Variants in DCAF6 observed in about 807,000 individuals in gnomAD.
DCAF6 encodes the protein DDB1 and CUL4 associated factor 6, also known as DDB1- and CUL4-associated factor 6.
DCAF6 carries 54 observed loss-of-function variants against 125.1 expected under a neutral mutation model. That is an observed-to-expected ratio of 0.43 (90% CI 0.35 to 0.54). The LOEUF is 0.54. DCAF6 is among the 20% of genes least tolerant of loss of function. The pLI is 0.01. For synonymous variants in DCAF6, 371 were observed against 390.4 expected, an observed-to-expected ratio of 0.95 and a Z score of 0.58; for missense variants, 934 against 1,161.7, an observed-to-expected ratio of 0.80 and a Z score of 2.85.
chr1:167,933,246 C>T (rs1207186834), upstream of DCAF6, among the ~76,000 whole-genome samples: 1 of 151,102 alleles, frequency 6.6e-6, no homozygotes, highest in Non-Finnish European at 1.5e-5. Flanking sequence ...TGGCTAACTG[C>T]AACCTCCACC....
At chr1:167,928,046 T>A in the DCAF6 span, among the ~76,000 whole-genome samples, 1 of 152,026 alleles carries the variant, frequency 6.6e-6, no homozygotes, top group African/African-American at 2.4e-5. Flanking sequence ...AGTGTTTTCT[T>A]AACTGTTAAA....
intron 4 of DCAF6, among the ~76,000 whole-genome samples, chr1:167,985,412 C>G (rs1305833742): frequency 6.6e-6 from 1 of 152,088 alleles, no homozygotes; most frequent in Admixed American, 6.6e-5. Flanking sequence ...GAGCAAGTCC[C>G]CTTCCTCTAT....
intron 4 of DCAF6, among the ~76,000 whole-genome samples, chr1:167,980,729 C>A (rs577834346): frequency 6.6e-6 from 1 of 151,762 alleles, no homozygotes; most frequent in Admixed American, 6.6e-5. Flanking sequence ...TTATATATTC[C>A]AAATATTAAC....
chr1:167,984,074 C>G (rs1427685489), intron 4 of DCAF6, among the ~76,000 whole-genome samples: 1 of 152,168 alleles, frequency 6.6e-6, no homozygotes, highest in East Asian at 1.9e-4. Context: ...TGGCTCAAGG[C>G]TCACTATTCT....
At chr1:167,964,053 T>C (rs1157503857) in intron 2 of DCAF6, among the ~76,000 whole-genome samples, 2 of 152,240 alleles carry the variant, frequency 1.3e-5, no homozygotes, top group Non-Finnish European at 2.9e-5. Flanking sequence ...TGCTGTTATT[T>C]TGAACAATAA....
At position 167,993,588 on chromosome 1, in the gene DCAF6, A is replaced by G. The variant is rs187998863; in HGVS notation, c.903+148A>G. The G allele has an allele frequency of 1.3e-3, 808 of 618,710 alleles. 1 individual carries two copies. Among genetic ancestry groups the G allele is most frequent in the Non-Finnish European group, 1.7e-3 (592 of 355,496 alleles). The allele number at this position is 618,710 out of a possible 1,614,324, so 38.3% of individuals were successfully genotyped here. A position where few individuals can be genotyped will look rare whatever the true frequency, so the allele number is the denominator to read the frequency against. On this transcript the variant is annotated intron_variant, in intron 7 of 21. Coordinates refer to ENST00000367840, the MANE Select transcript of DCAF6 (RefSeq NM_001198956.2). The stretch of plus-strand genomic sequence containing the variant: ...AACATGGAGAAACCCCGTCTTTACT[A>G]AAAACACAAAATTAGCTGAGCGTGG...
intron 3 of DCAF6, among the ~76,000 whole-genome samples, chr1:167,972,491 A>G (rs145272870): frequency 2.0e-5 from 3 of 152,178 alleles, no homozygotes; most frequent in African/African-American, 4.8e-5. Flanking sequence ...TATGATTTAT[A>G]TTTTTAAAAG....
At chr1:168,070,710 G>A (rs1045954790) in intron 21 of DCAF6, among the ~76,000 whole-genome samples, 2 of 152,100 alleles carry the variant, frequency 1.3e-5, no homozygotes, top group Non-Finnish European at 2.9e-5. Context: ...CTAGTCTAGT[G>A]GCCACTTGAG....
At position 167,958,310 on chromosome 1, in the gene DCAF6, A is replaced by G. The variant is rs1452045920; in HGVS notation, c.159+6449A>G. Among the ~76,000 whole-genome samples the G allele has an allele frequency of 2.0e-5, 3 of 146,478 alleles. No homozygotes were observed. The East Asian group carries it at 5.9e-4, about 29-fold the overall frequency. The stretch of plus-strand genomic sequence containing the variant: ...TGATCTATTTTCAGTTAATTTTTAT[A>G]TGGTATAAAGTAGGGGTCCAAGGTG... On this transcript the variant is annotated intron_variant, in intron 2 of 21. Coordinates refer to ENST00000367840, the MANE Select transcript of DCAF6 (RefSeq NM_001198956.2).
intron 2 of DCAF6, among the ~76,000 whole-genome samples, chr1:167,957,272 T>C (rs1295424322): frequency 6.6e-6 from 1 of 151,964 alleles, no homozygotes; most frequent in Non-Finnish European, 1.5e-5. Context: ...ATTTCCCCTC[T>C]ATTTAGCAGT....
chr1:168,023,324 A>G (rs755643079), intron 12 of DCAF6: 15 of 494,728 alleles, frequency 3.0e-5, no homozygotes, highest in Non-Finnish European at 5.1e-5. Flanking sequence ...AACTATATCC[A>G]TTTTTTAAAT....
At chr1:167,941,800 G>A (rs1175444931) in intron 1 of DCAF6, among the ~76,000 whole-genome samples, 1 of 152,170 alleles carries the variant, frequency 6.6e-6, no homozygotes, top group African/African-American at 2.4e-5. Flanking sequence ...GAAACTTCAT[G>A]TACATCTTGG....
the DCAF6 span, among the ~76,000 whole-genome samples, chr1:167,866,581 T>C: frequency 0.17 from 25,140 of 149,438 alleles, 2,494 homozygotes; most frequent in Middle Eastern, 0.24. Flanking sequence ...TAAGTTAATT[T>C]AGACTAAACA....
chr1:168,009,362 CCTT>C (rs1683873210), intron 10 of DCAF6, among the ~76,000 whole-genome samples: 2 of 138,906 alleles, frequency 1.4e-5, no homozygotes, highest in Non-Finnish European at 3.0e-5. Context: ...TTCCTTCCTT[CCTT>C]CCTTCCTTCC....
intron 15 of DCAF6, 62 bp from the exon 16 acceptor site, chr1:168,044,837 TA>T: frequency 3.2e-6 from 5 of 1,551,912 alleles, no homozygotes; most frequent in Non-Finnish European, 4.4e-6. Flanking sequence ...GCTCCTAAGT[TA>T]GGTTAAATAA....
chr1:167,905,307 A>T, the DCAF6 span: 1 of 841,790 alleles, frequency 1.2e-6, no homozygotes, highest in Non-Finnish European at 1.9e-6. Context: ...TATAGTGGTG[A>T]AAATGCCAGA....
chr1:168,027,853 A>T (rs368098945), intron 12 of DCAF6, among the ~76,000 whole-genome samples: 1 of 152,288 alleles, frequency 6.6e-6, no homozygotes, highest in East Asian at 1.9e-4. Context: ...TGATAGAAGT[A>T]TGTTTAGCCT....
intron 6 of DCAF6, among the ~76,000 whole-genome samples, chr1:167,992,850 T>C (rs1681058167): frequency 6.6e-6 from 1 of 152,248 alleles, no homozygotes; most frequent in Admixed American, 6.5e-5. Context: ...TACTAATGTA[T>C]GTAGTATGCT....
chr1:168,009,386 CCTT>C (rs1683894982), intron 10 of DCAF6, among the ~76,000 whole-genome samples: 7 of 75,542 alleles, frequency 9.3e-5, no homozygotes, highest in African/African-American at 3.0e-4. Context: ...TTCCTTCCTT[CCTT>C]TCTTTCTTTC....
Sources: gnomAD v4.1 joint callset for allele counts (sites outside exome capture counted in the v4.1 genomes callset) on GRCh38, gnomAD v4.1.1 for gene constraint, MANE v1.5 for transcripts, NCBI Gene and HGNC (gene_info 2026-07-23, HGNC 2026-07-21) for gene names.